The following SP100 variants were observed in gnomAD, a reference collection of about 807,000 sequenced individuals.
SP100 encodes SP100 nuclear body protein.
SP100 carries 84 observed loss-of-function variants against 130.0 expected under a neutral mutation model. The ratio of observed to expected loss-of-function variants is 0.65; its 90% confidence interval spans 0.54 to 0.77. The LOEUF (loss-of-function observed/expected upper bound fraction) is 0.77. SP100 is among the 30% of genes least tolerant of loss of function. The pLI is 0.00. For missense variants in SP100, 978 were observed against 1,052.2 expected (o/e 0.93, Z 0.97); for synonymous variants, 331 against 351.7 (o/e 0.94, Z 0.66).
At chr2:230,511,447 T>A (rs1470538780) in intron 24 of SP100, among the ~76,000 whole-genome samples, 1 of 152,080 alleles carries the variant, frequency 6.6e-6, no homozygotes, top group Admixed American at 6.5e-5. Context: ...AGACAAGAAC[T>A]TGAAGTAGTA....
intron 3 of SP100, 55 bp downstream of exon 3, chr2:230,443,154 G>C (rs1466451378): frequency 6.4e-7 from 1 of 1,567,644 alleles, no homozygotes; most frequent in Non-Finnish European, 8.7e-7. Flanking sequence ...AATAAGTTAT[G>C]CTTTGATATC....
At chr2:230,438,773 G>A (rs2063380708) in intron 2 of SP100, among the ~76,000 whole-genome samples, 1 of 151,794 alleles carries the variant, frequency 6.6e-6, no homozygotes, top group East Asian at 1.9e-4. Context: ...TGATTAGTGG[G>A]CATTTAGGCT....
chr2:230,519,659 A>G (rs1691080226), intron 24 of SP100, among the ~76,000 whole-genome samples: 1 of 152,198 alleles, frequency 6.6e-6, no homozygotes, highest in Non-Finnish European at 1.5e-5. Context: ...TTTTCAAATC[A>G]GAAATAGTGT....
chr2:230,520,184 G>A lies in SP100; in HGVS notation c.2094+9018G>A, dbSNP rs114037870. Among the ~76,000 whole-genome samples the A allele has an allele frequency of 1.8e-3, 277 of 152,294 alleles. 1 individual carries two copies. The highest frequency in any genetic ancestry group is 6.4e-3 in the African/African-American group (267 of 41,554). On this transcript the variant is annotated intron_variant, in intron 24 of 28. Transcript: ENST00000340126. ...TTTTTATGAAGCTTGCCAGCTGAGC[G>A]AAAAGTTAACAGTGTGGGGATTTTC...
At chr2:230,489,819 T>C (rs755129929) in intron 17 of SP100, among the ~76,000 whole-genome samples, 3 of 152,160 alleles carry the variant, frequency 2.0e-5, no homozygotes, top group Non-Finnish European at 4.4e-5. Context: ...TGTAATTGTG[T>C]GGTTTTGAGT....
At chr2:230,463,854 A>G in intron 10 of SP100, 1 of 370,536 alleles carries the variant, frequency 2.7e-6, no homozygotes, top group Non-Finnish European at 5.0e-6. Flanking sequence ...GCAAAGGCCA[A>G]GCAAGGCAAA....
intron 24 of SP100, among the ~76,000 whole-genome samples, chr2:230,536,243 G>C (rs1691934697): frequency 6.6e-6 from 1 of 152,078 alleles, no homozygotes. Context: ...GGCTATGTGG[G>C]TCACCCATGG....
intron 2 of SP100, among the ~76,000 whole-genome samples, chr2:230,430,963 T>C (rs919090994): frequency 2.0e-5 from 3 of 152,228 alleles, no homozygotes; most frequent in Non-Finnish European, 4.4e-5. Flanking sequence ...CAGAATTTCT[T>C]TGGGGGTTCC....
At chr2:230,500,541 G>T (rs1410188810) in intron 19 of SP100, among the ~76,000 whole-genome samples, 1 of 152,200 alleles carries the variant, frequency 6.6e-6, no homozygotes, top group African/African-American at 2.4e-5. Flanking sequence ...ACCAATAATG[G>T]CTAGGGCTGA....
chr2:230,429,519 C>G (rs150153472), intron 2 of SP100, among the ~76,000 whole-genome samples: 2 of 152,156 alleles, frequency 1.3e-5, no homozygotes, highest in Admixed American at 1.3e-4. Flanking sequence ...AAGTTTCCAG[C>G]CATTACTTCT....
intron 2 of SP100, among the ~76,000 whole-genome samples, chr2:230,439,328 G>A (rs2063395186): frequency 1.3e-5 from 2 of 152,048 alleles, no homozygotes; most frequent in South Asian, 4.1e-4. Context: ...TTCTAGTTCT[G>A]TGAATAATGA....
chr2:230,506,527 G>A, intron 22 of SP100, 82 bp downstream of exon 22: 1 of 1,421,246 alleles, frequency 7.0e-7, no homozygotes, highest in Non-Finnish European at 9.7e-7. Flanking sequence ...ATTTCTCAGT[G>A]CCCAGAAATT....
At chr2:230,518,392 C>T (rs1168054603) in intron 24 of SP100, among the ~76,000 whole-genome samples, 1 of 151,770 alleles carries the variant, frequency 6.6e-6, no homozygotes, top group Non-Finnish European at 1.5e-5. Context: ...AATGTTTAAA[C>T]TTTCAGTAAC....
At chr2:230,449,231 T>C (rs765606978) in intron 6 of SP100, 81 bp downstream of exon 6, 7 of 1,365,780 alleles carry the variant, frequency 5.1e-6, no homozygotes, top group Non-Finnish European at 7.3e-6. Flanking sequence ...CCTCTTTGTG[T>C]TAATGATTGT....
intron 2 of SP100, among the ~76,000 whole-genome samples, chr2:230,440,263 G>A (rs940845196): frequency 1.3e-5 from 2 of 151,862 alleles, no homozygotes; most frequent in Non-Finnish European, 2.9e-5. Context: ...AAATACAAAG[G>A]AAATCTATAA....
At chr2:230,539,548 G>T (rs1692082336) in intron 25 of SP100, among the ~76,000 whole-genome samples, 166 bp downstream of exon 25, 1 of 152,216 alleles carries the variant, frequency 6.6e-6, no homozygotes, top group Non-Finnish European at 1.5e-5. Context: ...CAGAGCTGTT[G>T]AACAGTGCTG....
chr2:230,473,884 G>GAAA (rs552935181), intron 16 of SP100, among the ~76,000 whole-genome samples: 1 of 133,812 alleles, frequency 7.5e-6, no homozygotes, highest in Non-Finnish European at 1.6e-5. Context: ...CCTTGTTCTT[G>GAAA]AAAAAAAAAA....
intron 21 of SP100, among the ~76,000 whole-genome samples, chr2:230,505,691 TATAA>T (rs1447153466): frequency 3.9e-5 from 6 of 152,232 alleles, no homozygotes; most frequent in Admixed American, 6.5e-5. Context: ...CACCAACAAA[TATAA>T]ATGTTTGCCC....
chr2:230,485,336 C>A (rs1449274777), intron 17 of SP100, among the ~76,000 whole-genome samples: 1 of 151,998 alleles, frequency 6.6e-6, no homozygotes, highest in South Asian at 2.1e-4. Flanking sequence ...TTGTCATTTG[C>A]TAAATATCCT....
Sources: gnomAD v4.1 joint callset for allele counts (sites outside exome capture counted in the v4.1 genomes callset) on GRCh38, gnomAD v4.1.1 for gene constraint, MANE v1.5 for transcripts, NCBI Gene and HGNC (gene_info 2026-07-23, HGNC 2026-07-21) for gene names.